Variants in RBFOX1 observed in about 807,000 individuals in gnomAD.
RBFOX1 encodes RNA binding fox-1 homolog 1.
In RBFOX1, 8 loss-of-function variants were observed where a neutral mutation model predicts 57.7. The ratio of observed to expected loss-of-function variants is 0.14; its 90% CI spans 0.08 to 0.25. The LOEUF (loss-of-function observed/expected upper bound fraction) is 0.25. Ranked by LOEUF, RBFOX1 falls within the 10% of genes least tolerant of loss-of-function variation. RBFOX1 has a pLI of 1.00. For missense variants in RBFOX1, 611 were observed against 548.5 expected (o/e 1.11, Z -1.14); for synonymous variants, 326 against 222.4 (o/e 1.47, Z -4.15).
At chr16:7,121,419 A>G (rs1181350343) in intron 4 of RBFOX1, among the ~76,000 whole-genome samples, 1 of 152,188 alleles carries the variant, frequency 6.6e-6, no homozygotes, top group African/African-American at 2.4e-5. Flanking sequence ...ATATATCTAT[A>G]TACTAGGAAA....
intron 1 of RBFOX1, among the ~76,000 whole-genome samples, chr16:5,358,083 C>G (rs938753): frequency 1 from 151,993 of 152,224 alleles, 75,881 homozygotes; most frequent in Non-Finnish European, 1. Flanking sequence ...GGCAGTATGG[C>G]TTCCACTGGA....
chr16:6,147,205 T>G (rs73529953), intron 1 of RBFOX1, among the ~76,000 whole-genome samples: 6,259 of 152,264 alleles, frequency 0.041, 398 homozygotes, highest in African/African-American at 0.13. Flanking sequence ...TTCATAGATA[T>G]TCTGTCTTGC....
intron 1 of RBFOX1, among the ~76,000 whole-genome samples, chr16:6,159,634 T>A (rs2096863364): frequency 6.6e-6 from 1 of 152,186 alleles, no homozygotes. Context: ...GCCATTGACC[T>A]TCCCACGTCT....
At chr16:5,324,703 A>G (rs1596523390) in intron 1 of RBFOX1, among the ~76,000 whole-genome samples, 1 of 152,230 alleles carries the variant, frequency 6.6e-6, no homozygotes, top group Non-Finnish European at 1.5e-5. Flanking sequence ...AACTAACACA[A>G]GAATAGAAAA....
At chr16:5,279,110 T>C (rs2063210307) in intron 1 of RBFOX1, among the ~76,000 whole-genome samples, 1 of 152,140 alleles carries the variant, frequency 6.6e-6, no homozygotes, top group African/African-American at 2.4e-5. Context: ...GGTTTTTTTT[T>C]CCTGTTTCTG....
chr16:6,345,817 C>G (rs112607534), intron 2 of RBFOX1, among the ~76,000 whole-genome samples: 1 of 152,106 alleles, frequency 6.6e-6, no homozygotes, highest in Non-Finnish European at 1.5e-5. Context: ...GAGGTCCTGA[C>G]GACATGTGCG....
chr16:6,200,243 G>A (rs543154270), intron 1 of RBFOX1, among the ~76,000 whole-genome samples: 1 of 152,292 alleles, frequency 6.6e-6, no homozygotes, highest in African/African-American at 2.4e-5. Context: ...AAGAACAGCC[G>A]GGATTCTCCC....
intron 4 of RBFOX1, among the ~76,000 whole-genome samples, chr16:7,227,592 G>A (rs538858436): frequency 1.3e-5 from 2 of 152,272 alleles, no homozygotes; most frequent in South Asian, 2.1e-4. Flanking sequence ...TGCAAAGCCC[G>A]GATGCCAGCT....
intron 3 of RBFOX1, among the ~76,000 whole-genome samples, chr16:5,848,042 G>T (rs1459259496): frequency 6.6e-6 from 1 of 152,118 alleles, no homozygotes; most frequent in East Asian, 1.9e-4. Flanking sequence ...GAATTATCCT[G>T]CATGGCAGAT....
At chr16:7,359,019 C>A (rs941474079) in intron 4 of RBFOX1, among the ~76,000 whole-genome samples, 1 of 152,138 alleles carries the variant, frequency 6.6e-6, no homozygotes, top group African/African-American at 2.4e-5. Context: ...TAGTTGAGTT[C>A]TTTGCTGCCT....
At chr16:7,323,517 A>G (rs1318710070) in intron 4 of RBFOX1, among the ~76,000 whole-genome samples, 1 of 152,266 alleles carries the variant, frequency 6.6e-6, no homozygotes, top group Non-Finnish European at 1.5e-5. Flanking sequence ...AAGCCTTCTT[A>G]TAGTATTGAG....
At chr16:7,018,259 A>G (rs1430487085) in intron 3 of RBFOX1, among the ~76,000 whole-genome samples, 1 of 152,154 alleles carries the variant, frequency 6.6e-6, no homozygotes, top group Non-Finnish European at 1.5e-5. Flanking sequence ...TGTTTCCTCC[A>G]GCTTCTCCTT....
chr16:7,031,031 G>A (rs546182166), intron 3 of RBFOX1, among the ~76,000 whole-genome samples: 1 of 152,288 alleles, frequency 6.6e-6, no homozygotes, highest in Non-Finnish European at 1.5e-5. Context: ...GTTGGTTTGG[G>A]ATGGGAGATG....
At chr16:6,716,475 T>G (rs2064842422) in intron 3 of RBFOX1, among the ~76,000 whole-genome samples, 1 of 152,252 alleles carries the variant, frequency 6.6e-6, no homozygotes, top group Non-Finnish European at 1.5e-5. Flanking sequence ...TATTTTTGGC[T>G]AAATCTGTTA....
chr16:5,620,885 G>A (rs2048181322), intron 3 of RBFOX1, among the ~76,000 whole-genome samples: 1 of 152,094 alleles, frequency 6.6e-6, no homozygotes, highest in Non-Finnish European at 1.5e-5. Context: ...CTGTCCCCCA[G>A]GCTGGAGTGC....
chr16:7,004,104 T>C (rs2093086351), intron 3 of RBFOX1: 1 of 151,822 alleles, frequency 6.6e-6, no homozygotes, highest in Non-Finnish European at 1.5e-5. Flanking sequence ...GTGTTGCCAA[T>C]GTGGACACTA....
At chr16:7,459,885 A>G (rs1220070556) in intron 4 of RBFOX1, among the ~76,000 whole-genome samples, 1 of 152,056 alleles carries the variant, frequency 6.6e-6, no homozygotes, top group South Asian at 2.1e-4. Context: ...AAAGTTTTGT[A>G]TTTTATTTTT....
chr16:6,058,622 C>A (rs1226406424), intron 1 of RBFOX1, among the ~76,000 whole-genome samples: 1 of 151,190 alleles, frequency 6.6e-6, no homozygotes, highest in Admixed American at 6.6e-5. Flanking sequence ...ATCCACCCAT[C>A]CATCTACCCA....
At chr16:5,418,528 C>T (rs1163926479) in intron 1 of RBFOX1, among the ~76,000 whole-genome samples, 1 of 151,946 alleles carries the variant, frequency 6.6e-6, no homozygotes, top group Non-Finnish European at 1.5e-5. Flanking sequence ...TCGGTGTAGA[C>T]AGAGAGAGAG....
Sources: allele counts gnomAD v4.1 joint callset (sites outside exome capture counted in the v4.1 genomes callset), GRCh38; gene constraint gnomAD v4.1.1; transcripts MANE v1.5; gene names NCBI Gene and HGNC (gene_info 2026-07-23, HGNC 2026-07-21).